Variants in PHLPP1 observed in about 807,000 individuals in gnomAD.
PHLPP1 encodes the protein PH domain and leucine rich repeat protein phosphatase 1, also known as PH domain leucine-rich repeat-containing protein phosphatase 1.
PHLPP1 carries 42 observed loss-of-function variants against 117.2 expected under a neutral mutation model. That is an observed-to-expected ratio of 0.36 (90% confidence interval 0.28 to 0.46). PHLPP1 has a LOEUF of 0.46. Ranked by LOEUF, PHLPP1 falls within the 20% of genes least tolerant of loss-of-function variation. The pLI is 1.00. For missense variants in PHLPP1, 2,084 were observed against 2,241.9 expected (o/e 0.93, Z 1.42); for synonymous variants, 1,042 against 970.7 (o/e 1.07, Z -1.37).
chr18:62,748,985 C>T (rs1231231443), intron 1 of PHLPP1, among the ~76,000 whole-genome samples: 1 of 152,032 alleles, frequency 6.6e-6, no homozygotes, highest in African/African-American at 2.4e-5. Flanking sequence ...TTCAAAATGT[C>T]ACATAAAAAG....
chr18:62,855,744 A>G (rs1361383907), intron 3 of PHLPP1, among the ~76,000 whole-genome samples: 1 of 152,188 alleles, frequency 6.6e-6, no homozygotes, highest in East Asian at 1.9e-4. Context: ...TTGATGTTAA[A>G]TCATTTTCTC....
chr18:62,755,818 T>G (rs1911998786), intron 1 of PHLPP1, among the ~76,000 whole-genome samples: 1 of 152,236 alleles, frequency 6.6e-6, no homozygotes, highest in South Asian at 2.1e-4. Flanking sequence ...TATTTTTTGT[T>G]TGCTTGAACT....
intron 1 of PHLPP1, among the ~76,000 whole-genome samples, chr18:62,752,474 T>C (rs1021430666): frequency 3.9e-5 from 6 of 152,232 alleles, no homozygotes; most frequent in African/African-American, 1.4e-4. Flanking sequence ...CGCTGAATTG[T>C]TGTTATATCT....
At chr18:62,968,202 A>G (rs1910957203) in intron 14 of PHLPP1, among the ~76,000 whole-genome samples, 1 of 152,200 alleles carries the variant, frequency 6.6e-6, no homozygotes, top group Non-Finnish European at 1.5e-5. Flanking sequence ...CATGGTGGAT[A>G]TTAGTCTGTA....
intron 4 of PHLPP1, among the ~76,000 whole-genome samples, chr18:62,893,777 G>T (rs1429009666): frequency 1.3e-5 from 2 of 149,958 alleles, no homozygotes; most frequent in Non-Finnish European, 3.0e-5. Context: ...TAGGCCAAAT[G>T]TAAGAGTGCA....
intron 12 of PHLPP1, among the ~76,000 whole-genome samples, chr18:62,946,897 G>C (rs8093614): frequency 1.3e-5 from 2 of 151,782 alleles, no homozygotes; most frequent in Non-Finnish European, 2.9e-5. Flanking sequence ...ACTAAAAATA[G>C]AAAAAATTAG....
At chr18:62,789,888 A>G (rs1913408612) in intron 1 of PHLPP1, among the ~76,000 whole-genome samples, 1 of 152,160 alleles carries the variant, frequency 6.6e-6, no homozygotes, top group Admixed American at 6.5e-5. Flanking sequence ...TCACAGTAAC[A>G]CATTTTCTTT....
At chr18:62,901,013 G>A (rs1916711005) in intron 6 of PHLPP1, among the ~76,000 whole-genome samples, 1 of 152,094 alleles carries the variant, frequency 6.6e-6, no homozygotes, top group Admixed American at 6.6e-5. Flanking sequence ...TTTCAGTCAT[G>A]GTGAGAGTTA....
At chr18:62,823,397 AC>A (rs1297891099) in intron 1 of PHLPP1, among the ~76,000 whole-genome samples, 2 of 151,830 alleles carry the variant, frequency 1.3e-5, no homozygotes, top group Non-Finnish European at 2.9e-5. Context: ...CCCTGTCTCT[AC>A]AAAAAATAGA....
chr18:62,902,482 A>G (rs376460046), intron 6 of PHLPP1, among the ~76,000 whole-genome samples: 3 of 152,236 alleles, frequency 2.0e-5, no homozygotes, highest in African/African-American at 7.2e-5. Flanking sequence ...CTCAACCTTT[A>G]ATTCCATGCT....
chr18:62,962,019 A>G (rs140455628), intron 13 of PHLPP1, among the ~76,000 whole-genome samples: 173 of 152,342 alleles, frequency 1.1e-3, no homozygotes, highest in African/African-American at 3.7e-3. Flanking sequence ...AGTAATGAGT[A>G]CCAACAGATA....
chr18:62,936,102 A>G (rs373565803), intron 10 of PHLPP1, among the ~76,000 whole-genome samples: 2 of 152,320 alleles, frequency 1.3e-5, no homozygotes, highest in African/African-American at 4.8e-5. Context: ...GTGTAGGGCT[A>G]GAGCAGGCTG....
intron 1 of PHLPP1, among the ~76,000 whole-genome samples, chr18:62,785,460 C>T (rs1599046255): frequency 6.6e-6 from 1 of 152,256 alleles, no homozygotes; most frequent in East Asian, 1.9e-4. Flanking sequence ...TACCTTTGTG[C>T]TGTGGCTATT....
intron 1 of PHLPP1, among the ~76,000 whole-genome samples, chr18:62,800,360 A>T (rs527505443): frequency 4.6e-5 from 7 of 152,274 alleles, no homozygotes; most frequent in Non-Finnish European, 8.8e-5. Flanking sequence ...ATAAAATGTA[A>T]TTTATTTGGG....
intron 1 of PHLPP1, among the ~76,000 whole-genome samples, chr18:62,750,034 A>AAAAAC (rs1412587466): frequency 6.6e-6 from 1 of 152,134 alleles, no homozygotes; most frequent in South Asian, 2.1e-4. Flanking sequence ...AGCAAAAACA[A>AAAAAC]AAAACAAAAC....
chr18:62,874,625 A>G (rs558061610), intron 4 of PHLPP1, among the ~76,000 whole-genome samples: 1 of 152,248 alleles, frequency 6.6e-6, no homozygotes, highest in South Asian at 2.1e-4. Flanking sequence ...TGGGTAGGAC[A>G]GCATCCCATC....
At chr18:62,892,875 CA>C (rs1214001726) in intron 4 of PHLPP1, among the ~76,000 whole-genome samples, 1,890 of 80,946 alleles carry the variant, frequency 0.023, 17 homozygotes, top group Admixed American at 0.058. Context: ...GACTCCATCT[CA>C]AAAAAAAAAA....
intron 14 of PHLPP1, among the ~76,000 whole-genome samples, chr18:62,963,776 C>T (rs1275429514): frequency 6.6e-6 from 1 of 152,206 alleles, no homozygotes; most frequent in Admixed American, 6.5e-5. Flanking sequence ...TGCATCCCTG[C>T]TCCTTTGAAA....
intron 4 of PHLPP1, 49 bp downstream of exon 4, chr18:62,860,650 T>C: frequency 7.0e-7 from 1 of 1,437,836 alleles, no homozygotes; most frequent in Non-Finnish European, 9.6e-7. Context: ...GGGGGCAGAA[T>C]GAACTTCTGC....
Sources: gnomAD v4.1 joint callset for allele counts (sites outside exome capture counted in the v4.1 genomes callset) on GRCh38, gnomAD v4.1.1 for gene constraint, MANE v1.5 for transcripts, NCBI Gene and HGNC (gene_info 2026-07-23, HGNC 2026-07-21) for gene names.